Variants in FRMPD4 observed in about 807,000 individuals in gnomAD.
FRMPD4 encodes FERM and PDZ domain containing 4.
In FRMPD4, 22 loss-of-function variants were observed where a neutral mutation model predicts 94.1. The ratio of observed to expected loss-of-function variants is 0.23; its 90% CI spans 0.17 to 0.33. The LOEUF is 0.33. Ranked by LOEUF, FRMPD4 falls within the 10% of genes least tolerant of loss-of-function variation. The probability of loss-of-function intolerance (pLI) is 1.00; values close to 1 mark genes in which losing one functional copy is unlikely to be tolerated. For synonymous variants in FRMPD4, 631 were observed against 548.6 expected (o/e 1.15, Z -2.10); for missense variants, 1,111 against 1,339.9 (o/e 0.83, Z 2.67).
chrX:11,840,358 T>G, intron 1 of FRMPD4, among the ~76,000 whole-genome samples: 1 of 111,827 alleles, frequency 8.9e-6, no homozygotes, highest in Non-Finnish European at 1.9e-5. Flanking sequence ...TAATTTCATT[T>G]TTATTCATTG....
At chrX:12,710,617 A>G in intron 14 of FRMPD4, 80 bp downstream of exon 14, 1 of 975,951 alleles carries the variant, frequency 1.0e-6, no homozygotes, top group South Asian at 2.3e-5. Flanking sequence ...ATGTTTTCTG[A>G]AAAGTTAAGG....
chrX:12,466,555 T>C (rs992153030), intron 1 of FRMPD4, among the ~76,000 whole-genome samples: 4 of 112,486 alleles, frequency 3.6e-5, no homozygotes, highest in African/African-American at 1.3e-4. Context: ...CTGTTCTTAC[T>C]GTTCTCTTCT....
chrX:12,553,464 A>ATC (rs1569332868), intron 2 of FRMPD4, among the ~76,000 whole-genome samples: 3 of 90,205 alleles, frequency 3.3e-5, no homozygotes, highest in Middle Eastern at 5.4e-3. Flanking sequence ...ATATATATAT[A>ATC]TATCTAATCC....
chrX:12,036,761 A>G (rs1401112695), intron 3 of FRMPD4, among the ~76,000 whole-genome samples: 2 of 111,808 alleles, frequency 1.8e-5, no homozygotes, highest in East Asian at 5.5e-4. Flanking sequence ...GTTTATTTTA[A>G]TCTTTAAGAG....
In FRMPD4 at chrX:11,823,255, A is replaced by G. The variant is rs1214195901; in HGVS notation, c.-161+540A>G. 1.5e-4 allele frequency among the ~76,000 whole-genome samples: 16 copies of G among 109,975 alleles called. No homozygotes were observed. In the Admixed American group the frequency reaches 1.6e-3, roughly 11 times the overall value. On this transcript the variant is annotated intron_variant, in intron 1 of 18. Coordinates refer to the FRMPD4 transcript ENST00000640291. Reference sequence around the variant, plus strand: ...CGTTTGTCACAGGAACTCTCAAAGCATGCCAAAGGGGACATTTGAGGGCTA... The same window carrying G: ...CGTTTGTCACAGGAACTCTCAAAGCGTGCCAAAGGGGACATTTGAGGGCTA...
intron 1 of FRMPD4, among the ~76,000 whole-genome samples, chrX:12,148,285 C>A (rs1019440234): frequency 2.0e-4 from 23 of 112,220 alleles, no homozygotes; most frequent in Non-Finnish European, 7.5e-5. Context: ...CCAGGAAACA[C>A]ACAAACGATA....
At chrX:12,590,188 G>A (rs916636885) in intron 2 of FRMPD4, among the ~76,000 whole-genome samples, 8 of 112,115 alleles carry the variant, frequency 7.1e-5, no homozygotes, top group Admixed American at 4.7e-4. Flanking sequence ...GAGAGAAGGT[G>A]ATTTCTTGAA....
intron 9 of FRMPD4, among the ~76,000 whole-genome samples, chrX:12,696,586 C>CAAAAAAAAAAAAAAAAAAAAAAAAAAAAA (rs57877846): frequency 1.3e-3 from 40 of 30,003 alleles, no homozygotes; most frequent in Middle Eastern, 0.028. Flanking sequence ...AAAAATGAAG[C>CAAAAAAAAAAAAAAAAAAAAAAAAAAAAA]AAAAAAAAAA....
At chrX:12,190,222 TGAA>T (rs2056474356) in intron 1 of FRMPD4, among the ~76,000 whole-genome samples, 1 of 111,419 alleles carries the variant, frequency 9.0e-6, no homozygotes, top group Non-Finnish European at 1.9e-5. Context: ...ATGGAATAAA[TGAA>T]GAGATATCCC....
chrX:11,963,091 G>A (rs1433847902), intron 3 of FRMPD4, among the ~76,000 whole-genome samples: 1 of 87,314 alleles, frequency 1.1e-5, no homozygotes, highest in African/African-American at 3.8e-5. Flanking sequence ...ATGTATACTA[G>A]GGTGGGCAAG....
At position 12,045,335 on chromosome X, in the gene FRMPD4, A is replaced by G. The variant is rs76966230; in HGVS notation, c.95+167317A>G. Reference sequence around the variant, plus strand: ...CCTAAGTTGAAGGTATTTCTCTCCAAATATGTTTGATGTTTACTTCCGGGA... The same window carrying G: ...CCTAAGTTGAAGGTATTTCTCTCCAGATATGTTTGATGTTTACTTCCGGGA... On this transcript the variant is annotated intron_variant, in intron 3 of 18. Coordinates refer to the FRMPD4 transcript ENST00000640291. Among the ~76,000 whole-genome samples the G allele has an allele frequency of 6.7e-4, 75 of 111,866 alleles. No homozygotes were observed. In the East Asian group the frequency reaches 0.021, roughly 31 times the overall value.
At chrX:12,142,129 G>A (rs754617091) in intron 1 of FRMPD4, among the ~76,000 whole-genome samples, 1 of 111,511 alleles carries the variant, frequency 9.0e-6, no homozygotes, top group African/African-American at 3.2e-5. Flanking sequence ...GATAATGATT[G>A]AGTCCCCACT....
At chrX:11,847,409 T>A (rs767645710) in intron 1 of FRMPD4, among the ~76,000 whole-genome samples, 1 of 104,684 alleles carries the variant, frequency 9.6e-6, no homozygotes, top group South Asian at 4.5e-4. Flanking sequence ...TGTGGAGAAA[T>A]AGGAACACTT....
At chrX:12,559,280 T>C (rs1168355091) in intron 2 of FRMPD4, among the ~76,000 whole-genome samples, 1 of 111,685 alleles carries the variant, frequency 9.0e-6, no homozygotes, top group Non-Finnish European at 1.9e-5. Context: ...TGAACAAGAA[T>C]ATGGGAGGTG....
At chrX:12,124,030 G>T (rs2055479147) in intron 3 of FRMPD4, among the ~76,000 whole-genome samples, 1 of 111,178 alleles carries the variant, frequency 9.0e-6, no homozygotes, top group African/African-American at 3.3e-5. Flanking sequence ...TATATTCTTT[G>T]TAATCCAGTT....
intron 2 of FRMPD4, among the ~76,000 whole-genome samples, chrX:12,574,923 TC>T (rs2058795153): frequency 8.9e-6 from 1 of 112,135 alleles, no homozygotes; most frequent in Non-Finnish European, 1.9e-5. Context: ...TCTGACACTC[TC>T]CTAATCTCCT....
chrX:11,845,084 T>C (rs2053566127), intron 1 of FRMPD4, among the ~76,000 whole-genome samples: 1 of 112,342 alleles, frequency 8.9e-6, no homozygotes. Flanking sequence ...TCTTCATTCA[T>C]TGAGTTATTG....
intron 1 of FRMPD4, among the ~76,000 whole-genome samples, chrX:11,826,106 G>A (rs915924240): frequency 2.7e-5 from 3 of 112,249 alleles, no homozygotes; most frequent in Non-Finnish European, 5.6e-5. Context: ...TTCAATTATA[G>A]GTGAAAATCT....
At chrX:12,160,281 T>C (rs750491723) in intron 1 of FRMPD4, among the ~76,000 whole-genome samples, 60 of 111,457 alleles carry the variant, frequency 5.4e-4, no homozygotes, top group Non-Finnish European at 9.4e-4. Context: ...ATAAAACAAG[T>C]GTTATAGCAG....
Sources: gnomAD v4.1 joint callset for allele counts (sites outside exome capture counted in the v4.1 genomes callset) on GRCh38, gnomAD v4.1.1 for gene constraint, MANE v1.5 for transcripts, NCBI Gene and HGNC (gene_info 2026-07-23, HGNC 2026-07-21) for gene names.